The following NSMCE2 variants were observed in gnomAD, a reference collection of about 807,000 sequenced individuals.
NSMCE2 encodes the protein E3 SUMO-protein ligase NSE2.
NSMCE2 carries 24 observed loss-of-function variants against 23.8 expected under a neutral mutation model. The observed-to-expected ratio is 1.01, with a 90% CI of 0.73 to 1.42. The LOEUF (loss-of-function observed/expected upper bound fraction) is 1.42, where lower values mean the gene tolerates loss of function less well. Ranked by LOEUF, NSMCE2 falls within the 40% of genes most tolerant of loss-of-function variation. The probability of loss-of-function intolerance (pLI) is 0.00; values close to 1 mark genes in which losing one functional copy is unlikely to be tolerated. For missense variants in NSMCE2, 284 were observed against 296.5 expected (o/e 0.96, Z 0.31); for synonymous variants, 92 against 94.1 (o/e 0.98, Z 0.13).
At chr8:125,356,326 G>GTTTTTTTTTTTTTT (rs747884264) in intron 5 of NSMCE2, among the ~76,000 whole-genome samples, 3 of 105,436 alleles carry the variant, frequency 2.8e-5, no homozygotes, top group Admixed American at 1.3e-4. Flanking sequence ...TAATTTTTTG[G>GTTTTTTTTTTTTTT]TTTTTTTTTT....
chr8:125,169,079 A>G (rs755525900), intron 4 of NSMCE2, among the ~76,000 whole-genome samples: 7 of 152,132 alleles, frequency 4.6e-5, no homozygotes, highest in Non-Finnish European at 7.4e-5. Context: ...TCTGCTATTG[A>G]CAACTGTTCC....
chr8:125,355,947 A>G (rs1470203323), intron 5 of NSMCE2, among the ~76,000 whole-genome samples: 2 of 152,144 alleles, frequency 1.3e-5, no homozygotes, highest in Non-Finnish European at 2.9e-5. Flanking sequence ...ATCACTCAGC[A>G]GTTCTCAAAG....
intron 5 of NSMCE2, among the ~76,000 whole-genome samples, chr8:125,189,057 C>A (rs1417388934): frequency 6.6e-6 from 1 of 152,242 alleles, no homozygotes; most frequent in Non-Finnish European, 1.5e-5. Context: ...AACTTGCCTT[C>A]ATCCTGATAC....
At position 125,367,007 on chromosome 8, in the gene NSMCE2, T is replaced by C. The variant is rs904352014; in HGVS notation, c.*122T>C. ...ATAGCATACTTGTTGGGGGTAAAAC[T>C]TGTTGCTTTTATGTGTGCTTGAAAA... On this transcript the variant is annotated 3_prime_UTR_variant, in exon 8 of 8. Transcript: ENST00000287437. 3.2e-6 allele frequency: 2 copies of C among 630,526 alleles called. No homozygotes were observed. Among genetic ancestry groups the C allele is most frequent in the African/African-American group, 3.6e-5 (2 of 55,200 alleles). The allele number at this position is 630,526 out of a possible 1,614,324, so 39.1% of individuals were successfully genotyped here.
At chr8:125,253,915 A>G (rs1826300534) in intron 5 of NSMCE2, among the ~76,000 whole-genome samples, 1 of 152,202 alleles carries the variant, frequency 6.6e-6, no homozygotes, top group African/African-American at 2.4e-5. Flanking sequence ...CCCTCCAAAA[A>G]AAATTTTTTG....
At chr8:125,174,352 G>GT (rs1427159702) in intron 4 of NSMCE2, among the ~76,000 whole-genome samples, 1 of 152,112 alleles carries the variant, frequency 6.6e-6, no homozygotes, top group Non-Finnish European at 1.5e-5. Flanking sequence ...AATAATGCAT[G>GT]TTTCTGTGAA....
intron 5 of NSMCE2, among the ~76,000 whole-genome samples, chr8:125,262,396 C>G (rs1431179850): frequency 6.6e-6 from 1 of 152,124 alleles, no homozygotes; most frequent in Non-Finnish European, 1.5e-5. Flanking sequence ...TGCATTCCAG[C>G]CTGGGAGACA....
At chr8:125,320,053 A>G (rs1167082298) in intron 5 of NSMCE2, among the ~76,000 whole-genome samples, 1 of 151,628 alleles carries the variant, frequency 6.6e-6, no homozygotes, top group Admixed American at 6.6e-5. Flanking sequence ...GCATGCACTT[A>G]TAGTCCCACC....
At position 125,252,006 on chromosome 8, in the gene NSMCE2, A is replaced by G. The variant is rs4006771; in HGVS notation, c.418+69750A>G. The stretch of plus-strand genomic sequence containing the variant: ...CACTTTGGTGATAAACCATTGAAAT[A>G]TGGTCTGGAGTCTGAGGAAAGAATC... On this transcript the variant is annotated intron_variant, in intron 5 of 7. Coordinates refer to ENST00000287437, the MANE Select transcript of NSMCE2 (RefSeq NM_173685.4). 7.1e-3 allele frequency among the ~76,000 whole-genome samples: 1,085 copies of G among 152,334 alleles called. 10 individuals carry two copies. The highest frequency in any genetic ancestry group is 0.025 in the African/African-American group (1,045 of 41,560).
chr8:125,135,532 C>T (rs1418191190), intron 3 of NSMCE2, among the ~76,000 whole-genome samples: 2 of 151,876 alleles, frequency 1.3e-5, no homozygotes. Flanking sequence ...GTATTTAAGT[C>T]TGTGATTCTT....
chr8:125,308,966 C>G (rs545468050), intron 5 of NSMCE2, among the ~76,000 whole-genome samples: 1 of 152,286 alleles, frequency 6.6e-6, no homozygotes, highest in South Asian at 2.1e-4. Flanking sequence ...GTTATGAGGC[C>G]GGGCACGGTG....
intron 5 of NSMCE2, among the ~76,000 whole-genome samples, chr8:125,268,974 A>G (rs1349069981): frequency 1.3e-5 from 2 of 152,206 alleles, no homozygotes; most frequent in Admixed American, 1.3e-4. Context: ...TTTAAAAAAT[A>G]TATTGTTTAG....
At chr8:125,359,330 C>CTTTTTT (rs34421417) in intron 7 of NSMCE2, among the ~76,000 whole-genome samples, 4 of 102,900 alleles carry the variant, frequency 3.9e-5, no homozygotes, top group African/African-American at 1.1e-4. Flanking sequence ...TGCTCTTTCT[C>CTTTTTT]TTTTTTTTTT....
chr8:125,179,010 G>GCTTGGACTTGCCCTGAT, intron 4 of NSMCE2, among the ~76,000 whole-genome samples: 2 of 152,294 alleles, frequency 1.3e-5, no homozygotes, highest in East Asian at 3.9e-4. Flanking sequence ...ACCCAGCCCT[G>GCTTGGACTTGCCCTGAT]CTTGGACTTG....
intron 5 of NSMCE2, among the ~76,000 whole-genome samples, chr8:125,231,413 C>T (rs182904634): frequency 1.1e-4 from 16 of 152,308 alleles, no homozygotes; most frequent in African/African-American, 3.6e-4. Flanking sequence ...ATTAAAGCAT[C>T]TGAAGACCTT....
At chr8:125,218,858 G>T (rs1824721016) in intron 5 of NSMCE2, among the ~76,000 whole-genome samples, 1 of 152,078 alleles carries the variant, frequency 6.6e-6, no homozygotes, top group Non-Finnish European at 1.5e-5. Context: ...TAAATTTTAT[G>T]TTACGTGTTT....
At chr8:125,153,585 T>C (rs922792761) in intron 4 of NSMCE2, among the ~76,000 whole-genome samples, 4 of 152,204 alleles carry the variant, frequency 2.6e-5, no homozygotes, top group African/African-American at 9.7e-5. Context: ...ATAATATACT[T>C]GTTTAGAAAT....
chr8:125,112,559 T>TA lies in NSMCE2; in HGVS notation c.157+10082dup, dbSNP rs35747622. Among the ~76,000 whole-genome samples the TA allele has an allele frequency of 7.5e-4, 112 of 150,250 alleles. 1 individual carries two copies. Among genetic ancestry groups the TA allele is most frequent in the Middle Eastern group, 3.4e-3 (1 of 290 alleles). ...TACATAATGGAATATTATTCAGTCTTAAAAAAAAAATGAAATACTGTCATT... is the reference window on the plus strand; with the variant it reads ...TACATAATGGAATATTATTCAGTCTTAAAAAAAAAAATGAAATACTGTCATT... On this transcript the variant is annotated intron_variant, in intron 3 of 7. Coordinates refer to ENST00000287437, the MANE Select transcript of NSMCE2 (RefSeq NM_173685.4).
intron 5 of NSMCE2, among the ~76,000 whole-genome samples, chr8:125,346,750 A>C (rs73336887): frequency 1.8e-4 from 28 of 152,270 alleles, no homozygotes; most frequent in Non-Finnish European, 2.6e-4. Flanking sequence ...CCAAATCTTA[A>C]CTGACGATTT....
Sources: allele counts gnomAD v4.1 joint callset (sites outside exome capture counted in the v4.1 genomes callset), GRCh38; gene constraint gnomAD v4.1.1; transcripts MANE v1.5; gene names NCBI Gene and HGNC (gene_info 2026-07-23, HGNC 2026-07-21).